The following SCFD1 variants were observed in gnomAD, a reference collection of about 807,000 sequenced individuals.
SCFD1 encodes sec1 family domain-containing protein 1.
In SCFD1, 37 loss-of-function variants were observed where a neutral mutation model predicts 103.2. The ratio of observed to expected loss-of-function variants is 0.36; its 90% confidence interval spans 0.28 to 0.47. The LOEUF (loss-of-function observed/expected upper bound fraction) is 0.47, where lower values mean the gene tolerates loss of function less well. SCFD1 is among the 20% of genes least tolerant of loss of function. The pLI is 1.00. For synonymous variants in SCFD1, 264 were observed against 245.0 expected, an observed-to-expected ratio of 1.08 and a Z score of -0.73; for missense variants, 639 against 761.2, an observed-to-expected ratio of 0.84 and a Z score of 1.89.
chr14:30,622,748 TCTC>T (rs1210117855), intron 1 of SCFD1, among the ~76,000 whole-genome samples: 1 of 152,100 alleles, frequency 6.6e-6, no homozygotes, highest in Non-Finnish European at 1.5e-5. Flanking sequence ...GTGGTTCAGT[TCTC>T]CTGGTTTTGA....
intron 18 of SCFD1, 27 bp from the exon 19 acceptor site, chr14:30,707,963 T>G: frequency 6.6e-7 from 1 of 1,504,744 alleles, no homozygotes; most frequent in Admixed American, 1.7e-5. Context: ...GTACTTAGAA[T>G]GGTCCTTCTC....
chr14:30,624,584 G>A (rs1489840727), intron 1 of SCFD1, among the ~76,000 whole-genome samples: 1 of 152,116 alleles, frequency 6.6e-6, no homozygotes, highest in South Asian at 2.1e-4. Flanking sequence ...TTGCTATTCC[G>A]AGGTCCTGTC....
chr14:30,705,727 A>G (rs1891421811), intron 17 of SCFD1, 96 bp from the exon 18 acceptor site: 1 of 876,436 alleles, frequency 1.1e-6, no homozygotes, highest in Admixed American at 2.1e-5. Context: ...TGTCTGCATC[A>G]TAGAAGTTAG....
rs1666486231 is a variant in SCFD1, at chr14:30,715,958, T to C, written c.1664T>C (p.Met555Thr). Residue 555 changes from methionine to threonine, a missense_variant, in exon 20 of 25, where the codon ATG (methionine) becomes ACG (threonine). Physicochemically the swap from Met to Thr is moderately conservative, Grantham distance 81 (BLOSUM62 -1). Coordinates refer to ENST00000458591, the MANE Select transcript of SCFD1 (RefSeq NM_016106.4). The stretch of plus-strand genomic sequence containing the variant: ...GTTACTCGTATTTTGGACAATCTTA[T>C]GGAGATGAAGTCAAACCCCGTGAGT... ...LPVTRILDNL[M>T]EMKSNPETDD... is the part of the protein sequence containing the mutation. 2.6e-6 allele frequency: 4 copies of C among 1,567,052 alleles called. No homozygotes were observed. Among genetic ancestry groups the C allele is most frequent in the African/African-American group, 1.4e-5 (1 of 73,116 alleles).
At chr14:30,712,463 C>A (rs950355836) in intron 19 of SCFD1, among the ~76,000 whole-genome samples, 2 of 152,270 alleles carry the variant, frequency 1.3e-5, no homozygotes, top group East Asian at 3.9e-4. Flanking sequence ...AAAAACACTT[C>A]CCTATTTTGG....
At chr14:30,653,352 A>C in intron 9 of SCFD1, 137 bp from the exon 10 acceptor site, 1 of 612,910 alleles carries the variant, frequency 1.6e-6, no homozygotes, top group Non-Finnish European at 2.8e-6. Flanking sequence ...TATACTAAAA[A>C]ACAAAGTATT....
intron 20 of SCFD1, 58 bp downstream of exon 20, chr14:30,716,035 T>A (rs1184343379): frequency 3.2e-6 from 3 of 925,808 alleles, no homozygotes; most frequent in African/African-American, 1.7e-5. Context: ...CTGACTAGTA[T>A]GAAAGAGGAT....
chr14:30,671,868 G>A (rs994052953), intron 11 of SCFD1, among the ~76,000 whole-genome samples: 4 of 152,050 alleles, frequency 2.6e-5, no homozygotes, highest in African/African-American at 9.7e-5. Context: ...CCCAGGTCTT[G>A]CAGACCATAA....
chr14:30,704,801 C>G (rs1197204424), intron 17 of SCFD1, among the ~76,000 whole-genome samples: 1 of 152,048 alleles, frequency 6.6e-6, no homozygotes, highest in Non-Finnish European at 1.5e-5. Context: ...CATAAAATGT[C>G]TATGGTGTGC....
chr14:30,638,325 A>T, intron 5 of SCFD1, 78 bp downstream of exon 5: 1 of 1,593,964 alleles, frequency 6.3e-7, no homozygotes, highest in Non-Finnish European at 8.6e-7. Flanking sequence ...GTTGGCATAG[A>T]TATCTATTTG....
intron 10 of SCFD1, among the ~76,000 whole-genome samples, chr14:30,662,193 C>T (rs1226108221): frequency 6.6e-6 from 1 of 152,084 alleles, no homozygotes; most frequent in African/African-American, 2.4e-5. Flanking sequence ...AACCCTATTC[C>T]CCAAACTATT....
chr14:30,733,374 C>G (rs1893619327), intron 23 of SCFD1, among the ~76,000 whole-genome samples: 2 of 152,182 alleles, frequency 1.3e-5, no homozygotes, highest in African/African-American at 4.8e-5. Flanking sequence ...TGATTAAGAA[C>G]AAGTTTGCAC....
chr14:30,647,202 CACTT>C (rs1241601322), intron 7 of SCFD1, among the ~76,000 whole-genome samples: 1 of 152,016 alleles, frequency 6.6e-6, no homozygotes, highest in Non-Finnish European at 1.5e-5. Context: ...ATTTTTTAGA[CACTT>C]AAAACCTTTT....
At position 30,649,619 on chromosome 14, in the gene SCFD1, C is replaced by T. The variant is rs543541799; in HGVS notation, c.669+36C>T. 3 of 1,484,720 alleles carry T rather than the reference C, an allele frequency of 2.0e-6. No homozygotes were observed. In the East Asian group the frequency reaches 7.5e-5, roughly 37 times the overall value. 92.0% of individuals were successfully genotyped at this position (1,484,720 alleles called of 1,614,324 possible). A position where few individuals can be genotyped will look rare whatever the true frequency, so the allele number is the denominator to read the frequency against. ...GCGGATATCACGTGGAGATAAATAA[C>T]ATTGTGTGAATTGTTTTCCCACAAG... On this transcript the variant is annotated intron_variant, in intron 8 of 24. Transcript: ENST00000458591.
chr14:30,658,000 T>G (rs230344), intron 10 of SCFD1: 27,129 of 423,490 alleles, frequency 0.064, 1,449 homozygotes, highest in African/African-American at 0.18. Context: ...AACTTTGCAG[T>G]GCCCATCTCC....
At chr14:30,734,624 CTTTA>C (rs1309833195) in intron 23 of SCFD1, 162 bp from the exon 24 acceptor site, 5 of 597,992 alleles carry the variant, frequency 8.4e-6, no homozygotes, top group Non-Finnish European at 1.5e-5. Flanking sequence ...CTTTATTCCT[CTTTA>C]TTTCATGCAA....
chr14:30,716,112 G>A (rs1272410634), intron 20 of SCFD1, 135 bp downstream of exon 20: 10 of 647,918 alleles, frequency 1.5e-5, no homozygotes, highest in South Asian at 1.3e-4. Flanking sequence ...AAGAGTCCAT[G>A]TTCTCAAGAA....
chr14:30,649,735 C>A, intron 8 of SCFD1, 152 bp downstream of exon 8: 1 of 625,524 alleles, frequency 1.6e-6, no homozygotes, highest in Non-Finnish European at 2.8e-6. Flanking sequence ...ATTGAGATTG[C>A]ACCGAAGATA....
At chr14:30,681,152 C>T (rs2139253295) in intron 14 of SCFD1, among the ~76,000 whole-genome samples, 1 of 148,790 alleles carries the variant, frequency 6.7e-6, no homozygotes, top group African/African-American at 2.5e-5. Flanking sequence ...ACCTAGGAGG[C>T]AAAGGTTGCA....
Sources: gnomAD v4.1 joint callset for allele counts (sites outside exome capture counted in the v4.1 genomes callset) on GRCh38, gnomAD v4.1.1 for gene constraint, MANE v1.5 for transcripts, NCBI Gene and HGNC (gene_info 2026-07-23, HGNC 2026-07-21) for gene names.